The following EFCAB13 variants were observed in gnomAD, a reference collection of about 807,000 sequenced individuals.
EFCAB13 encodes the protein EF-hand calcium binding domain 13, also known as EF-hand calcium-binding domain-containing protein 13.
EFCAB13 carries 91 observed loss-of-function variants against 110.2 expected under a neutral mutation model. The ratio of observed to expected loss-of-function variants is 0.83; its 90% CI spans 0.70 to 0.98. EFCAB13 has a LOEUF of 0.98. Among genes scored for constraint, EFCAB13 ranks in the 50% least tolerant of loss-of-function variants. The pLI is 0.00. For synonymous variants in EFCAB13, 323 were observed against 369.9 expected (o/e 0.87, Z 1.45); for missense variants, 968 against 1,119.4 (o/e 0.86, Z 1.93).
Position 47,361,387 on chromosome 17 carries a change from A to T in EFCAB13, c.671A>T (p.Asp224Val). 2.5e-6 allele frequency: 4 copies of T among 1,612,836 alleles called. No individual in the cohort carries two copies. The highest frequency in any genetic ancestry group is 3.4e-6 in the Non-Finnish European group (4 of 1,179,378). Residue 224 changes from aspartate (D) to valine (V), a missense_variant, in exon 10 of 25, where the codon GAT becomes GTT. Transcript: ENST00000331493. ...LKTVDIDAFQ[D>V]ALKIFCRIKG... ...AATTTCTTTTTTGCAGCATTCCAGG[A>T]TGCCTTGAAGATTTTCTGTAGGATA...
Position 47,347,454 on chromosome 17 carries a change from A to C in EFCAB13, c.518-354A>C, listed in dbSNP as rs542149531. On this transcript the variant is annotated intron_variant, in intron 8 of 24. Transcript: ENST00000331493. Reference sequence around the variant, plus strand: ...CTCCATAGAAGCTGACAGTTTAGTGAGGGATATTGACATGCAAGCAATCAT... The same window carrying C: ...CTCCATAGAAGCTGACAGTTTAGTGCGGGATATTGACATGCAAGCAATCAT... Among the ~76,000 whole-genome samples, 25 of 152,306 alleles carry C rather than the reference A, an allele frequency of 1.6e-4. No homozygotes were observed. In the South Asian group the frequency reaches 3.9e-3, roughly 24 times the overall value.
chr17:47,425,669 C>T (rs780578204), intron 23 of EFCAB13, among the ~76,000 whole-genome samples: 1 of 152,156 alleles, frequency 6.6e-6, no homozygotes, highest in Non-Finnish European at 1.5e-5. Flanking sequence ...ACCTTGAAGA[C>T]ACAGATAGAA....
At chr17:47,355,622 G>T (rs1298730068) in intron 9 of EFCAB13, among the ~76,000 whole-genome samples, 8 of 148,902 alleles carry the variant, frequency 5.4e-5, no homozygotes, top group Admixed American at 6.7e-5. Flanking sequence ...CACCAGGCTG[G>T]AGTGCAGTGA....
chr17:47,354,574 G>A (rs1354833663), intron 9 of EFCAB13, among the ~76,000 whole-genome samples: 1 of 152,076 alleles, frequency 6.6e-6, no homozygotes, highest in African/African-American at 2.4e-5. Context: ...TATATGTTTA[G>A]GATTACGATA....
At chr17:47,397,428 C>T (rs1427388570) in intron 17 of EFCAB13, among the ~76,000 whole-genome samples, 2 of 151,236 alleles carry the variant, frequency 1.3e-5, no homozygotes, top group African/African-American at 2.4e-5. Context: ...TCTGCCCGGC[C>T]GCCACCCCGT....
At chr17:47,421,447 A>G (rs1904704756) in intron 23 of EFCAB13, among the ~76,000 whole-genome samples, 1 of 151,866 alleles carries the variant, frequency 6.6e-6, no homozygotes, top group East Asian at 1.9e-4. Flanking sequence ...CTTAAGAGTC[A>G]TCACCACTCC....
chr17:47,423,562 C>T (rs1301530874), intron 23 of EFCAB13: 2 of 314,898 alleles, frequency 6.4e-6, no homozygotes, highest in Admixed American at 5.0e-5. Context: ...TGCCGGCTGC[C>T]GAGGGAACGC....
intron 4 of EFCAB13, among the ~76,000 whole-genome samples, chr17:47,333,444 A>G (rs747023235): frequency 3.3e-5 from 5 of 152,114 alleles, no homozygotes; most frequent in Non-Finnish European, 5.9e-5. Flanking sequence ...TTAGTTTCAT[A>G]TAATCCCATT....
At chr17:47,355,554 C>T (rs111527969) in intron 9 of EFCAB13, among the ~76,000 whole-genome samples, 5,469 of 151,258 alleles carry the variant, frequency 0.036, 157 homozygotes, top group Non-Finnish European at 0.055. Flanking sequence ...TCCCAAACTT[C>T]CTGGAGGCTT....
chr17:47,433,496 C>A (rs557613888), intron 24 of EFCAB13, among the ~76,000 whole-genome samples: 6 of 152,214 alleles, frequency 3.9e-5, no homozygotes, highest in African/African-American at 1.4e-4. Context: ...GTTAAAATAA[C>A]CACAGTAATT....
chr17:47,348,846 C>A (rs2065432577), intron 9 of EFCAB13, among the ~76,000 whole-genome samples: 1 of 151,926 alleles, frequency 6.6e-6, no homozygotes, highest in African/African-American at 2.4e-5. Context: ...ATATTTTATT[C>A]CATTCTGTTG....
rs975842851 is a variant in EFCAB13 at position 47,431,432 on chromosome 17, A to G, written c.2638+1471A>G. On this transcript the variant is annotated intron_variant, in intron 24 of 24. Coordinates refer to ENST00000331493, the MANE Select transcript of EFCAB13 (RefSeq NM_152347.5). This position sits in a 1 kb window ranked among gnomAD's most constrained non-coding sequence, Gnocchi z 4.1. ...ACATACCTCACAGCAAATTTTCCTCAAAGTACTCATTTAACTACATCCTAC... is the reference window on the plus strand; with the variant it reads ...ACATACCTCACAGCAAATTTTCCTCGAAGTACTCATTTAACTACATCCTAC... Among the ~76,000 whole-genome samples the G allele has an allele frequency of 2.6e-5, 4 of 151,866 alleles. No homozygotes were observed. The highest frequency in any genetic ancestry group is 4.8e-5 in the African/African-American group (2 of 41,358).
chr17:47,362,590 C>T (rs965315602), intron 10 of EFCAB13, among the ~76,000 whole-genome samples: 1 of 152,178 alleles, frequency 6.6e-6, no homozygotes, highest in African/African-American at 2.4e-5. Context: ...CAGGCCTGCC[C>T]GCAGTTATCC....
At chr17:47,351,318 C>T (rs868210797) in intron 9 of EFCAB13, among the ~76,000 whole-genome samples, 4,461 of 33,930 alleles carry the variant, frequency 0.13, 145 homozygotes, top group African/African-American at 0.28. Flanking sequence ...CGCGCGCGCG[C>T]GCGCGCGCGC....
At chr17:47,401,112 T>G (rs2065776792) in intron 17 of EFCAB13, among the ~76,000 whole-genome samples, 3 of 149,904 alleles carry the variant, frequency 2.0e-5, no homozygotes, top group Non-Finnish European at 4.4e-5. Context: ...GCAAAAATAC[T>G]GCAAAAAGAC....
chr17:47,406,630 CTT>C (rs2065806979), intron 20 of EFCAB13, among the ~76,000 whole-genome samples: 1 of 152,120 alleles, frequency 6.6e-6, no homozygotes, highest in South Asian at 2.1e-4. Flanking sequence ...TCATTTCACT[CTT>C]TGTCTTGGAA....
chr17:47,394,141 T>C lies in EFCAB13; in HGVS notation c.1801+42T>C, dbSNP rs769774670. 6.2e-6 allele frequency: 8 copies of C among 1,295,336 alleles called. No homozygotes were observed. In the African/African-American group the frequency reaches 1.2e-4, roughly 20 times the overall value. 80.2% of individuals were successfully genotyped at this position (1,295,336 alleles called of 1,614,324 possible). A position where few individuals can be genotyped will look rare whatever the true frequency, so the allele number is the denominator to read the frequency against. On this transcript the variant is annotated intron_variant, in intron 16 of 24. Coordinates refer to ENST00000331493, the MANE Select transcript of EFCAB13 (RefSeq NM_152347.5). ...TGTCTTCTGCTTTTTGTGGACCAAA[T>C]AGTTTGACAGATTTTAGAAGAGCGT...
In EFCAB13 at chr17:47,341,831, T is replaced by C. The variant is rs1431629156; in HGVS notation, c.192-90T>C. The C allele has an allele frequency of 1.4e-5, 10 of 733,872 alleles. No homozygotes were observed. The East Asian group carries it at 2.2e-4, about 16-fold the overall frequency. 45.5% of individuals were successfully genotyped at this position (733,872 alleles called of 1,614,324 possible). On this transcript the variant is annotated intron_variant, in intron 5 of 24. Transcript: ENST00000331493. ...CTGGGTGATGGGATTCTGTATACTT[T>C]TGTATATGTTAGAAAATTTCCATAA...
intron 9 of EFCAB13, among the ~76,000 whole-genome samples, chr17:47,349,004 G>C (rs1319078261): frequency 1.3e-5 from 2 of 152,060 alleles, no homozygotes; most frequent in Non-Finnish European, 2.9e-5. Context: ...AACAATATCA[G>C]AAAACAAGTC....
Sources: allele counts gnomAD v4.1 joint callset (sites outside exome capture counted in the v4.1 genomes callset), GRCh38; gene constraint gnomAD v4.1.1; non-coding constraint Gnocchi (gnomAD v3.1); transcripts MANE v1.5; gene names NCBI Gene and HGNC (gene_info 2026-07-23, HGNC 2026-07-21).